The following EML4 variants were observed in gnomAD, a reference collection of about 807,000 sequenced individuals.
EML4 encodes echinoderm microtubule-associated protein-like 4.
In EML4, 72 loss-of-function variants were observed where a neutral mutation model predicts 129.0. The ratio of observed to expected loss-of-function variants is 0.56; its 90% CI spans 0.46 to 0.68. The LOEUF is 0.68. EML4 is among the 30% of genes least tolerant of loss of function. The pLI is 0.00. For missense variants in EML4, 1,363 were observed against 1,190.6 expected, an observed-to-expected ratio of 1.14 and a Z score of -2.13; for synonymous variants, 532 against 405.0, an observed-to-expected ratio of 1.31 and a Z score of -3.77.
At chr2:42,245,214 C>T (rs2104299209) in intron 1 of EML4, among the ~76,000 whole-genome samples, 1 of 148,620 alleles carries the variant, frequency 6.7e-6, no homozygotes, top group South Asian at 2.1e-4. Context: ...TGTGCCTCAG[C>T]CTCCCAAATA....
chr2:42,242,476 C>T (rs1213103565), intron 1 of EML4, among the ~76,000 whole-genome samples: 1 of 152,070 alleles, frequency 6.6e-6, no homozygotes, highest in African/African-American at 2.4e-5. Flanking sequence ...TTAGAACCAC[C>T]TTTATTTTTG....
chr2:42,247,191 A>G (rs1390728051), intron 2 of EML4, among the ~76,000 whole-genome samples: 2 of 152,210 alleles, frequency 1.3e-5, no homozygotes, highest in East Asian at 1.9e-4. Context: ...TGATGAGGCA[A>G]GTGTCCTGAG....
rs1665715446 is a variant in EML4, at chr2:42,261,249, T to A, written c.467T>A (p.Ile156Lys). 2 of 1,613,822 alleles carry A rather than the reference T, an allele frequency of 1.2e-6. No homozygotes were observed. Among genetic ancestry groups the A allele is most frequent in the South Asian group, 1.1e-5 (1 of 91,074 alleles). The change falls in exon 4 of 23, where the codon ATA (isoleucine) becomes AAA (lysine). Residue 156 changes from isoleucine (I) to lysine (K), a missense_variant. Transcript: ENST00000318522. Reference sequence around the variant, plus strand: ...CAGCCCTCTTCACAACCTCTCCAAATACACAGACAAACTCCAGAAAGCAAG... The same window carrying A: ...CAGCCCTCTTCACAACCTCTCCAAAAACACAGACAAACTCCAGAAAGCAAG... ...SPQPSSQPLQ[I>K]HRQTPESKNA...
At chr2:42,208,840 A>G (rs1216763252) in intron 1 of EML4, among the ~76,000 whole-genome samples, 3 of 151,818 alleles carry the variant, frequency 2.0e-5, no homozygotes, top group Non-Finnish European at 4.4e-5. Context: ...ACAAATTTAA[A>G]GCTTGGTAAA....
At chr2:42,280,809 G>C (rs764020158) in intron 6 of EML4, 41 bp from the exon 7 acceptor site, 9 of 1,524,762 alleles carry the variant, frequency 5.9e-6, no homozygotes, top group Non-Finnish European at 7.2e-6. Context: ...TGACTATACA[G>C]AAAATACGTA....
chr2:42,241,768 T>C (rs978381352), intron 1 of EML4, among the ~76,000 whole-genome samples: 1 of 152,128 alleles, frequency 6.6e-6, no homozygotes, highest in African/African-American at 2.4e-5. Context: ...AAGACTTGTC[T>C]TTGAGTCTGA....
intron 4 of EML4, among the ~76,000 whole-genome samples, chr2:42,262,727 A>G (rs1184466189): frequency 6.6e-6 from 1 of 152,206 alleles, no homozygotes; most frequent in Non-Finnish European, 1.5e-5. Context: ...TATAAACAAG[A>G]GTTTATACCT....
chr2:42,255,593 C>T (rs953886072), intron 2 of EML4, among the ~76,000 whole-genome samples: 29 of 152,246 alleles, frequency 1.9e-4, no homozygotes, highest in Non-Finnish European at 3.4e-4. Context: ...AGAACTAAAT[C>T]TGATGACCAG....
intron 4 of EML4, 91 bp downstream of exon 4, chr2:42,261,385 C>T: frequency 8.3e-7 from 1 of 1,201,000 alleles, no homozygotes; most frequent in Non-Finnish European, 1.1e-6. Context: ...TCCAAGGATT[C>T]TGAGAGAAAA....
intron 1 of EML4, among the ~76,000 whole-genome samples, chr2:42,212,929 A>C (rs1672967326): frequency 6.6e-6 from 1 of 152,330 alleles, no homozygotes; most frequent in Non-Finnish European, 1.5e-5. Context: ...TGTGTTCTGT[A>C]ATCTTGGAAG....
At chr2:42,217,320 T>A (rs1320406927) in intron 1 of EML4, among the ~76,000 whole-genome samples, 1 of 152,126 alleles carries the variant, frequency 6.6e-6, no homozygotes. Flanking sequence ...GGCAGTTGAG[T>A]CTCTAAGTTT....
At chr2:42,296,059 C>T (rs1284972352) in intron 13 of EML4, among the ~76,000 whole-genome samples, 1 of 152,120 alleles carries the variant, frequency 6.6e-6, no homozygotes, top group African/African-American at 2.4e-5. Flanking sequence ...ATATACAGGT[C>T]CTCTTTGCCC....
rs749763285 is a variant in EML4 at position 42,229,244 on chromosome 2, A to C, written c.26-16261A>C. Among the ~76,000 whole-genome samples, 34 of 152,276 alleles carry C rather than the reference A, an allele frequency of 2.2e-4. No individual in the cohort carries two copies. The South Asian group carries it at 3.1e-3, about 14-fold the overall frequency. Reference sequence around the variant, plus strand: ...TTTTTACATGCTGTTTAATTTATCTAATTTAATTTTCTATAACTTTATATG... The same window carrying C: ...TTTTTACATGCTGTTTAATTTATCTCATTTAATTTTCTATAACTTTATATG... On this transcript the variant is annotated intron_variant, in intron 1 of 22. Coordinates refer to ENST00000318522, the MANE Select transcript of EML4 (RefSeq NM_019063.5).
chr2:42,207,102 T>C (rs1003114567), intron 1 of EML4, among the ~76,000 whole-genome samples: 4 of 152,336 alleles, frequency 2.6e-5, no homozygotes, highest in African/African-American at 9.6e-5. Context: ...TATAGTTCTG[T>C]AGAAATATGT....
chr2:42,277,740 T>C (rs1387899597), intron 6 of EML4, among the ~76,000 whole-genome samples: 3 of 152,128 alleles, frequency 2.0e-5, no homozygotes, highest in African/African-American at 7.2e-5. Context: ...AGCTAAATTT[T>C]GTATTTTTAG....
chr2:42,194,270 C>T (rs1671770887), intron 1 of EML4, among the ~76,000 whole-genome samples: 1 of 148,470 alleles, frequency 6.7e-6, no homozygotes, highest in Non-Finnish European at 1.5e-5. Flanking sequence ...CAATTATTTT[C>T]TTTATATTTC....
chr2:42,326,795 C>T (rs1669832543), intron 21 of EML4, among the ~76,000 whole-genome samples: 1 of 152,102 alleles, frequency 6.6e-6, no homozygotes, highest in Non-Finnish European at 1.5e-5. Context: ...GGCAGGAGAA[C>T]TGCTTGAACC....
chr2:42,311,326 G>GT lies in EML4; in HGVS notation c.1968-4636_1968-4635insT, dbSNP rs544872963. Among the ~76,000 whole-genome samples the GT allele has an allele frequency of 9.8e-5, 15 of 152,312 alleles. No homozygotes were observed. The East Asian group carries it at 1.7e-3, about 18-fold the overall frequency. ...TCACACCTGTAATCCCAGCACTTTG[G>GT]GAGGCCAAGGTGGGAGGATTGCTTT... On this transcript the variant is annotated intron_variant, in intron 17 of 22. Transcript: ENST00000318522.
At chr2:42,313,763 A>G (rs1669088060) in intron 17 of EML4, among the ~76,000 whole-genome samples, 1 of 151,906 alleles carries the variant, frequency 6.6e-6, no homozygotes, top group South Asian at 2.1e-4. Flanking sequence ...CCCTATCTCT[A>G]CTAAAAATAC....
Sources: allele counts gnomAD v4.1 joint callset (sites outside exome capture counted in the v4.1 genomes callset), GRCh38; gene constraint gnomAD v4.1.1; transcripts MANE v1.5; gene names NCBI Gene and HGNC (gene_info 2026-07-23, HGNC 2026-07-21).